The following MIP variants were observed in gnomAD, a reference collection of about 807,000 sequenced individuals.
The protein encoded by MIP is major intrinsic protein of lens fiber.
A neutral mutation model predicts 21.8 loss-of-function variants in MIP; 14 were observed. The ratio of observed to expected loss-of-function variants is 0.64; its 90% CI spans 0.42 to 1.00. The LOEUF (loss-of-function observed/expected upper bound fraction) is 1.00, where lower values mean the gene tolerates loss of function less well. Among genes scored for constraint, MIP ranks in the 50% least tolerant of loss-of-function variants. The probability of loss-of-function intolerance (pLI) is 0.00; values close to 1 mark genes in which losing one functional copy is unlikely to be tolerated. For synonymous variants in MIP, 133 were observed against 141.4 expected (o/e 0.94, Z 0.42); for missense variants, 260 against 333.5 (o/e 0.78, Z 1.72).
In MIP at chr12:56,450,534, A is replaced by C; in HGVS notation, c.*746T>G. 1 of 152,320 alleles carries C rather than the reference A, an allele frequency of 6.6e-6. No individual in the cohort carries two copies. The highest frequency in any genetic ancestry group is 1.9e-4 in the East Asian group (1 of 5,204). The allele number at this position is 152,320 out of a possible 1,614,324, so 9.4% of individuals were successfully genotyped here. ...GACCTCTGAAGAGATCCATTATGTCAGAATGAACACAACCAGCCAGCGGAT... is the reference window on the plus strand; with the variant it reads ...GACCTCTGAAGAGATCCATTATGTCCGAATGAACACAACCAGCCAGCGGAT... On this transcript the variant is annotated 3_prime_UTR_variant, in exon 4 of 4. Coordinates refer to ENST00000652304, the MANE Select transcript of MIP (RefSeq NM_012064.4).
rs1868546723 is a variant in MIP at position 56,450,226 on chromosome 12, G to A, written c.*1054C>T. On this transcript the variant is annotated 3_prime_UTR_variant, in exon 4 of 4. Coordinates refer to ENST00000652304, the MANE Select transcript of MIP (RefSeq NM_012064.4). ...ACAAGAAAAAAAACACGGAACTAGT[G>A]ATAAAAGCAGAAAGATGCCATTTGA... The A allele has an allele frequency of 6.6e-6, 1 of 152,262 alleles. No homozygotes were observed. Among genetic ancestry groups the A allele is most frequent in the Admixed American group, 6.5e-5 (1 of 15,290 alleles). The allele number at this position is 152,262 out of a possible 1,614,324, so 9.4% of individuals were successfully genotyped here.
chr12:56,451,490 C>T (rs1868617261), intron 3 of MIP, 25 bp from the exon 4 acceptor site: 3 of 1,611,010 alleles, frequency 1.9e-6, no homozygotes, highest in Middle Eastern at 1.7e-4. Flanking sequence ...AAGGAATACT[C>T]AGGCTTGGGG....
rs1868691535 is a variant in MIP, at chr12:56,453,660, C to T, written c.456G>A (p.Arg152=). Residue 152 remains arginine (R), a synonymous_variant, in exon 2 of 4, where the codon AGG becomes AGA. Coordinates refer to ENST00000652304, the MANE Select transcript of MIP (RefSeq NM_012064.4). ...CCACGGAGCCCAGTTGGCCATTCCGCCTCTCGTCGTATGTGGCAAAGATGC... is the reference window on the plus strand; with the variant it reads ...CCACGGAGCCCAGTTGGCCATTCCGTCTCTCGTCGTATGTGGCAAAGATGC... ...VLCIFATYDE[R]RNGQLGSVAL... is the part of the protein sequence containing the mutation. 4 of 1,614,116 alleles carry T rather than the reference C, an allele frequency of 2.5e-6. No homozygotes were observed. The highest frequency in any genetic ancestry group is 3.4e-6 in the Non-Finnish European group (4 of 1,180,050).
chr12:56,454,735 G>A (rs1868743709), upstream of MIP: 2 of 1,245,336 alleles, frequency 1.6e-6, no homozygotes, highest in African/African-American at 1.5e-5. Flanking sequence ...AGCAGGCCCA[G>A]CCTCTTAACC....
upstream of MIP, among the ~76,000 whole-genome samples, chr12:56,455,552 C>T (rs1868767522): frequency 6.6e-6 from 1 of 152,206 alleles, no homozygotes; most frequent in African/African-American, 2.4e-5. Context: ...ATGATCAGCA[C>T]ACCCTAAGCC....
At chr12:56,451,497 G>A in intron 3 of MIP, 32 bp from the exon 4 acceptor site, 1 of 1,605,406 alleles carries the variant, frequency 6.2e-7, no homozygotes, top group Non-Finnish European at 8.5e-7. Context: ...ACTCAGGCTT[G>A]GGGAGGGGAC....
At position 56,451,002 on chromosome 12, in the gene MIP, C is replaced by CA; in HGVS notation, c.*277dup. 1 of 455,418 alleles carries CA rather than the reference C, an allele frequency of 2.2e-6. No homozygotes were observed. Among genetic ancestry groups the CA allele is most frequent in the East Asian group, 4.3e-5 (1 of 23,026 alleles). 28.2% of individuals were successfully genotyped at this position (455,418 alleles called of 1,614,324 possible). ...TCCTTAGCTCTCATGCCCCAAAACTCAGACACAGCCACACTCACATTCATA... is the reference window on the plus strand; with the variant it reads ...TCCTTAGCTCTCATGCCCCAAAACTCAAGACACAGCCACACTCACATTCATA... On this transcript the variant is annotated 3_prime_UTR_variant, in exon 4 of 4. Transcript: ENST00000652304.
chr12:56,453,745 G>A lies in MIP; in HGVS notation c.371C>T (p.Ala124Val), dbSNP rs753492682. The change falls in exon 2 of 4, where the codon GCG becomes GTG. Residue 124 changes from alanine (A) to valine (V), a missense_variant. Transcript: ENST00000652304. ...GNLALNTLHPAVSVGQATTVE... is the reference protein window; with the variant it reads ...GNLALNTLHPVVSVGQATTVE... ...TGTGGTTGCCTGGCCCACGCTCACC[G>A]CAGGGTGCAACTGTGCAAAGGAAGA... 2.6e-5 allele frequency: 42 copies of A among 1,613,306 alleles called. No homozygotes were observed. Among genetic ancestry groups the A allele is most frequent in the East Asian group, 2.5e-4 (11 of 44,878 alleles).
At chr12:56,455,280 C>T (rs1308984587), upstream of MIP, among the ~76,000 whole-genome samples, 2 of 152,134 alleles carry the variant, frequency 1.3e-5, no homozygotes, top group African/African-American at 4.8e-5. Flanking sequence ...TACCCCCAGT[C>T]CATGACAGCA....
upstream of MIP, among the ~76,000 whole-genome samples, chr12:56,454,839 C>T (rs1299299689): frequency 6.6e-6 from 1 of 152,080 alleles, no homozygotes; most frequent in Non-Finnish European, 1.5e-5. Context: ...GCCGAGAGAG[C>T]CATGGCAGTG....
chr12:56,451,404 A>G lies in MIP; in HGVS notation c.668T>C (p.Leu223Pro), dbSNP rs1484462074. The change falls in exon 4 of 4, where the codon CTC (leucine) becomes CCC (proline). Residue 223 changes from leucine to proline, a missense_variant. Coordinates refer to ENST00000652304, the MANE Select transcript of MIP (RefSeq NM_012064.4). The stretch of plus-strand genomic sequence containing the variant: ...AGAAATACTCTTGAGCCGGGGGAAG[A>G]GAAGAAAGTCGTACAGGAGGCTGCC... ...GLGSLLYDFL[L>P]FPRLKSISER... is the part of the protein sequence containing the mutation. The G allele has an allele frequency of 1.2e-6, 2 of 1,614,072 alleles. No homozygotes were observed. The highest frequency in any genetic ancestry group is 2.2e-5 in the East Asian group (1 of 44,898).
intron 3 of MIP, 26 bp downstream of exon 3, chr12:56,453,046 G>A: frequency 3.3e-6 from 5 of 1,510,218 alleles, no homozygotes; most frequent in Non-Finnish European, 4.6e-6. Context: ...AGGGCTTCAG[G>A]ATCTTGCCCC....
intron 1 of MIP, 95 bp downstream of exon 1, chr12:56,454,159 C>T: frequency 6.5e-7 from 1 of 1,542,576 alleles, no homozygotes; most frequent in Non-Finnish European, 8.9e-7. Context: ...TTGTCCCAGA[C>T]CCCAGGGGAG....
upstream of MIP, chr12:56,454,730 G>A: frequency 9.8e-6 from 13 of 1,322,228 alleles, no homozygotes; most frequent in Non-Finnish European, 1.4e-5. Flanking sequence ...GAGGTAGCAG[G>A]CCCAGCCTCT....
Position 56,451,403 on chromosome 12 carries a change from G to T in MIP, c.669C>A (p.Leu223=), listed in dbSNP as rs1187766216. Residue 223 remains leucine (L), a synonymous_variant, in exon 4 of 4, where the codon CTC becomes CTA. Transcript: ENST00000652304. ...GLGSLLYDFL[L]FPRLKSISER... ...CAGAAATACTCTTGAGCCGGGGGAA[G>T]AGAAGAAAGTCGTACAGGAGGCTGC... The T allele has an allele frequency of 1.2e-6, 2 of 1,614,072 alleles. No individual in the cohort carries two copies. Among genetic ancestry groups the T allele is most frequent in the Non-Finnish European group, 1.7e-6 (2 of 1,180,038 alleles).
chr12:56,449,837 G>A lies in MIP; in HGVS notation c.*1443C>T, dbSNP rs1301431470. 4 of 152,078 alleles carry A rather than the reference G, an allele frequency of 2.6e-5. No individual in the cohort carries two copies. The highest frequency in any genetic ancestry group is 9.7e-5 in the African/African-American group (4 of 41,386). The allele number at this position is 152,078 out of a possible 1,614,324, so 9.4% of individuals were successfully genotyped here. A position where few individuals can be genotyped will look rare whatever the true frequency, so the allele number is the denominator to read the frequency against. On this transcript the variant is annotated 3_prime_UTR_variant, in exon 4 of 4. Transcript: ENST00000652304. ...CGTAAATATTCATTGAACAGTTGAGGGTCTCTTCTGGCCTCTGCTGAGATG... is the reference window on the plus strand; with the variant it reads ...CGTAAATATTCATTGAACAGTTGAGAGTCTCTTCTGGCCTCTGCTGAGATG...
Position 56,449,646 on chromosome 12 carries a change from A to G in MIP, c.*1634T>C, listed in dbSNP as rs1868517588. On this transcript the variant is annotated 3_prime_UTR_variant, in exon 4 of 4. Coordinates refer to ENST00000652304, the MANE Select transcript of MIP (RefSeq NM_012064.4). ...TTCTTCTAGTCAAGCGGACTATTCC[A>G]AGTCTTAAATAGTTAGTTAGAAAAG... 1 of 152,216 alleles carries G rather than the reference A, an allele frequency of 6.6e-6. No homozygotes were observed. Among genetic ancestry groups the G allele is most frequent in the South Asian group, 2.1e-4 (1 of 4,830 alleles). The allele number at this position is 152,216 out of a possible 1,614,324, so 9.4% of individuals were successfully genotyped here.
intron 1 of MIP, 149 bp from the exon 2 acceptor site, chr12:56,453,904 C>T (rs2136166611): frequency 1.2e-6 from 1 of 839,678 alleles, no homozygotes; most frequent in Non-Finnish European, 1.9e-6. Context: ...GTATTTGCAT[C>T]TTACCATCTC....
rs376788799 is a variant in MIP, at chr12:56,451,309, G to C, written c.763C>G (p.Pro255Ala). ...AGGGCCTGGGTGTTCAGTTCAACAG[G>C]TTCCCCTGTGACCTCTGGTTGTCCA... Reference protein sequence around the residue: ...SNGQPEVTGEPVELNTQAL With the variant: ...SNGQPEVTGEAVELNTQAL Residue 255 changes from proline (P) to alanine (A), a missense_variant, in exon 4 of 4, where the codon CCT becomes GCT. Coordinates refer to ENST00000652304, the MANE Select transcript of MIP (RefSeq NM_012064.4). 4 of 1,613,750 alleles carry C rather than the reference G, an allele frequency of 2.5e-6. No homozygotes were observed. In the African/African-American group the frequency reaches 5.3e-5, roughly 22 times the overall value.
Sources: gnomAD v4.1 joint callset for allele counts (sites outside exome capture counted in the v4.1 genomes callset) on GRCh38, gnomAD v4.1.1 for gene constraint, MANE v1.5 for transcripts, NCBI Gene and HGNC (gene_info 2026-07-23, HGNC 2026-07-21) for gene names.